LINGO1: variants seen among roughly 807,000 people sequenced by gnomAD.
The protein encoded by LINGO1 is leucine rich repeat and Ig domain containing 1.
In LINGO1, 11 loss-of-function variants were observed where a neutral mutation model predicts 37.3. The observed-to-expected ratio is 0.29, with a 90% CI of 0.19 to 0.49. LINGO1 has a LOEUF of 0.49. LINGO1 is among the 20% of genes least tolerant of loss of function. The pLI, the probability that LINGO1 is intolerant of heterozygous loss-of-function variation, is 0.99. For missense variants in LINGO1, 585 were observed against 878.2 expected (o/e 0.67, Z 4.22); for synonymous variants, 387 against 403.0 (o/e 0.96, Z 0.48).
At chr15:77,639,160 C>T (rs575562323), upstream of LINGO1, among the ~76,000 whole-genome samples, 14 of 152,120 alleles carry the variant, frequency 9.2e-5, no homozygotes, top group Admixed American at 7.2e-4. Context: ...ACTGAAGCTC[C>T]GGCTGATGTC....
chr15:77,638,618 T>G (rs977962403), upstream of LINGO1, among the ~76,000 whole-genome samples: 3 of 152,186 alleles, frequency 2.0e-5, no homozygotes, highest in African/African-American at 7.2e-5. Context: ...GCAGGAGACT[T>G]GTTTATTAAC....
intron 3 of LINGO1, among the ~76,000 whole-genome samples, chr15:77,652,483 A>AGTGTGTGT (rs773433884): frequency 0.065 from 8,322 of 128,824 alleles, 350 homozygotes; most frequent in East Asian, 0.096. Flanking sequence ...GGGGAGGGAG[A>AGTGTGTGT]GTGTGTGTGT....
intron 1 of LINGO1, among the ~76,000 whole-genome samples, chr15:77,616,281 G>A (rs2073717867): frequency 6.6e-6 from 1 of 152,194 alleles, no homozygotes; most frequent in South Asian, 2.1e-4. Flanking sequence ...AACCAGACCT[G>A]CTGAGCCGCT....
intron 2 of LINGO1, among the ~76,000 whole-genome samples, chr15:77,733,820 C>T (rs1009860810): frequency 1.3e-5 from 2 of 152,180 alleles, no homozygotes; most frequent in Non-Finnish European, 2.9e-5. Context: ...CAGGAGGCTG[C>T]ACTGGCCCTT....
At chr15:77,695,684 C>A (rs1212152794) in intron 1 of LINGO1, among the ~76,000 whole-genome samples, 2 of 152,100 alleles carry the variant, frequency 1.3e-5, no homozygotes, top group South Asian at 2.1e-4. Context: ...AGGCCATCTG[C>A]CCAGCCTCCC....
intron 1 of LINGO1, among the ~76,000 whole-genome samples, chr15:77,775,898 C>A (rs1030919771): frequency 4.6e-5 from 7 of 152,280 alleles, no homozygotes; most frequent in African/African-American, 1.7e-4. Context: ...CAGTTCCAGG[C>A]CTTCGTTCCT....
rs146483606 is a variant in LINGO1 at position 77,804,326 on chromosome 15, G to T, written c.-457-8273C>A. Among the ~76,000 whole-genome samples, 453 of 152,332 alleles carry T rather than the reference G, an allele frequency of 3.0e-3. 2 individuals carry two copies. The highest frequency in any genetic ancestry group is 0.01 in the African/African-American group (418 of 41,574). On this transcript the variant is annotated intron_variant, in intron 1 of 5. Transcript: ENST00000562933. ...CTCGCACGATATGCACCGAAGGCAA[G>T]AGAGAGTGCTGAGGGGAGGGACTAG...
upstream of LINGO1, among the ~76,000 whole-genome samples, chr15:77,699,077 T>C (rs2141267943): frequency 6.6e-6 from 1 of 152,170 alleles, no homozygotes; most frequent in Middle Eastern, 3.4e-3. Flanking sequence ...CTGAGCTCAC[T>C]CACGCTGCCA....
intron 2 of LINGO1, among the ~76,000 whole-genome samples, chr15:77,720,429 C>T (rs1046515151): frequency 8.5e-5 from 13 of 152,218 alleles, no homozygotes; most frequent in African/African-American, 2.2e-4. Flanking sequence ...CCAGGCCACC[C>T]GGCAGCAGGT....
chr15:77,729,640 T>G (rs1292740674), intron 2 of LINGO1, among the ~76,000 whole-genome samples: 1 of 152,148 alleles, frequency 6.6e-6, no homozygotes, highest in Admixed American at 6.5e-5. Flanking sequence ...CTCTCCACAC[T>G]CTGAGCTGCC....
At chr15:77,622,852 C>G (rs2073966327) in intron 1 of LINGO1, among the ~76,000 whole-genome samples, 1 of 152,204 alleles carries the variant, frequency 6.6e-6, no homozygotes, top group Non-Finnish European at 1.5e-5. Flanking sequence ...AGGGTTTCTC[C>G]CTCAGTGGCT....
intron 3 of LINGO1, among the ~76,000 whole-genome samples, chr15:77,661,843 T>C (rs1249511553): frequency 6.6e-6 from 1 of 152,180 alleles, no homozygotes; most frequent in African/African-American, 2.4e-5. Flanking sequence ...TTTCCCTGTG[T>C]GGACAAGGGC....
intron 2 of LINGO1, among the ~76,000 whole-genome samples, chr15:77,727,698 T>C (rs1194767677): frequency 1.3e-5 from 2 of 151,384 alleles, no homozygotes; most frequent in African/African-American, 2.4e-5. Flanking sequence ...TGTGCACTTA[T>C]ACATGGCTAA....
chr15:77,657,243 T>A (rs1466876594), intron 3 of LINGO1, among the ~76,000 whole-genome samples: 1 of 151,786 alleles, frequency 6.6e-6, no homozygotes, highest in Non-Finnish European at 1.5e-5. Context: ...TGGCTCCTCC[T>A]CCCTCCCCTG....
rs57875651 is a variant in LINGO1, at chr15:77,629,298, GTTCA to G, written c.6+3008_6+3011del. On this transcript the variant is annotated intron_variant, in intron 1 of 1. Transcript: ENST00000355300. ...GGGATATTCATTCGTTCGCTTGTTC[GTTCA>G]TTCATTCATTCATTCATTCTTCCAC... 1.7e-3 allele frequency among the ~76,000 whole-genome samples: 261 copies of G among 151,956 alleles called. 2 individuals are homozygous for G. Among genetic ancestry groups the G allele is most frequent in the African/African-American group, 5.8e-3 (241 of 41,292 alleles).
intron 1 of LINGO1, among the ~76,000 whole-genome samples, chr15:77,748,730 G>GGA (rs1456524972): frequency 6.6e-6 from 1 of 151,794 alleles, no homozygotes; most frequent in Admixed American, 6.6e-5. Flanking sequence ...GCGGTGCAGG[G>GGA]GAGAGACAGA....
At chr15:77,616,821 T>G (rs545671456) in intron 1 of LINGO1, among the ~76,000 whole-genome samples, 29 of 152,330 alleles carry the variant, frequency 1.9e-4, no homozygotes, top group African/African-American at 6.0e-4. Flanking sequence ...TGAAATTCCA[T>G]CCACAAGGCC....
At chr15:77,673,151 T>C (rs897828609) in intron 3 of LINGO1, among the ~76,000 whole-genome samples, 3 of 152,152 alleles carry the variant, frequency 2.0e-5, no homozygotes, top group African/African-American at 7.2e-5. Context: ...TATTTGTGAA[T>C]ATCATAAACA....
rs1166267123 is a variant in LINGO1, at chr15:77,720,241, G to T, written c.-195+14751C>A. Among the ~76,000 whole-genome samples the T allele has an allele frequency of 1.5e-5, 2 of 135,674 alleles. 1 individual carries two copies. Among genetic ancestry groups the T allele is most frequent in the Non-Finnish European group, 3.4e-5 (2 of 59,696 alleles). 89.0% of individuals were successfully genotyped at this position (135,674 alleles called of 152,430 possible). A position where few individuals can be genotyped will look rare whatever the true frequency, so the allele number is the denominator to read the frequency against. Reference sequence around the variant, plus strand: ...GGAGCTCGTTAATTATCTCCATGCTGTCCAGAGGAAATAAACAGCAATTAG... The same window carrying T: ...GGAGCTCGTTAATTATCTCCATGCTTTCCAGAGGAAATAAACAGCAATTAG... On this transcript the variant is annotated intron_variant, in intron 2 of 3. Transcript: ENST00000561686.
Sources: allele counts gnomAD v4.1 joint callset (sites outside exome capture counted in the v4.1 genomes callset), GRCh38; gene constraint gnomAD v4.1.1; transcripts MANE v1.5; gene names NCBI Gene and HGNC (gene_info 2026-07-23, HGNC 2026-07-21).